CREBBP: variants seen among roughly 807,000 people sequenced by gnomAD.
CREBBP encodes the protein CREB binding lysine acetyltransferase.
Under a neutral mutation model 265.0 loss-of-function variants are expected in CREBBP, and 19 were observed. That is an observed-to-expected ratio of 0.07 (90% CI 0.05 to 0.11). CREBBP has a LOEUF of 0.11. CREBBP is among the 10% of genes least tolerant of loss of function. The pLI is 1.00. For synonymous variants in CREBBP, 1,457 were observed against 1,223.7 expected (o/e 1.19, Z -3.98); for missense variants, 2,525 against 3,219.0 (o/e 0.78, Z 5.22).
Position 3,780,714 on chromosome 16 carries a change from T to G in CREBBP, c.1823+18A>C, listed in dbSNP as rs2053254173. ...GAATAAAATCAAACATCTATGAAAC[T>G]GCAAAACTGTTACGTACAGTTTATG... On this transcript the variant is annotated intron_variant, in intron 8 of 30. Coordinates refer to ENST00000262367, the MANE Select transcript of CREBBP (RefSeq NM_004380.3). 3 of 1,613,446 alleles carry G rather than the reference T, an allele frequency of 1.9e-6. No homozygotes were observed. Among genetic ancestry groups the G allele is most frequent in the East Asian group, 4.5e-5 (2 of 44,880 alleles).
intron 11 of CREBBP, among the ~76,000 whole-genome samples, chr16:3,775,650 C>T (rs1596900121): frequency 6.6e-6 from 1 of 152,188 alleles, no homozygotes; most frequent in Non-Finnish European, 1.5e-5. Flanking sequence ...TAAGCTTCCC[C>T]ACTCCTTGAG....
intron 13 of CREBBP, 76 bp from the exon 14 acceptor site, chr16:3,771,062 T>C: frequency 6.4e-7 from 1 of 1,574,564 alleles, no homozygotes; most frequent in Non-Finnish European, 8.6e-7. Flanking sequence ...AAAAATTAAA[T>C]GTATGAAAAA....
intron 21 of CREBBP, among the ~76,000 whole-genome samples, chr16:3,747,585 A>AGGAAGG: frequency 6.6e-6 from 1 of 152,346 alleles, no homozygotes; most frequent in African/African-American, 2.4e-5. Context: ...TACAACCAGC[A>AGGAAGG]GGAAGGAGAC....
chr16:3,805,723 G>C (rs2053815830), intron 3 of CREBBP, among the ~76,000 whole-genome samples: 1 of 152,168 alleles, frequency 6.6e-6, no homozygotes, highest in Non-Finnish European at 1.5e-5. Context: ...TGGACATGAA[G>C]ACCAACAAAG....
At chr16:3,876,538 C>T (rs2055407363) in intron 1 of CREBBP, among the ~76,000 whole-genome samples, 1 of 150,938 alleles carries the variant, frequency 6.6e-6, no homozygotes, top group Non-Finnish European at 1.5e-5. Context: ...TTAACTTGGA[C>T]ATATTAAATA....
chr16:3,838,865 A>G (rs1438741753), intron 2 of CREBBP, among the ~76,000 whole-genome samples: 1 of 152,178 alleles, frequency 6.6e-6, no homozygotes, highest in African/African-American at 2.4e-5. Context: ...TTCACTACCA[A>G]AAAATGTTTT....
At position 3,771,817 on chromosome 16, in the gene CREBBP, T is replaced by A. The variant is rs1162008368; in HGVS notation, c.2464-831A>T. On this transcript the variant is annotated intron_variant, in intron 13 of 30. Coordinates refer to ENST00000262367, the MANE Select transcript of CREBBP (RefSeq NM_004380.3). ...CAATTTAAAACTTTTTTTTTTTTTT[T>A]TTAAAAAAAAAAAGACAGAGTCTCG... 9.9e-3 allele frequency among the ~76,000 whole-genome samples: 1,471 copies of A among 149,278 alleles called. 33 individuals are homozygous for A. Among genetic ancestry groups the A allele is most frequent in the African/African-American group, 0.035 (1,417 of 40,036 alleles).
chr16:3,877,154 C>G (rs1007770831), intron 1 of CREBBP, among the ~76,000 whole-genome samples: 2 of 152,126 alleles, frequency 1.3e-5, no homozygotes. Flanking sequence ...TCACATGCAC[C>G]GGGCACACAC....
intron 1 of CREBBP, among the ~76,000 whole-genome samples, chr16:3,865,991 T>A (rs1251585817): frequency 6.6e-6 from 1 of 152,174 alleles, no homozygotes; most frequent in African/African-American, 2.4e-5. Context: ...GCCCAGGTGA[T>A]TAACTTCAGC....
chr16:3,826,127 T>C (rs886759802), intron 2 of CREBBP, among the ~76,000 whole-genome samples: 2 of 152,008 alleles, frequency 1.3e-5, no homozygotes, highest in Non-Finnish European at 2.9e-5. Context: ...GTAGGAGGAC[T>C]GCTTGTGCCC....
At chr16:3,851,603 C>A (rs1041303077) in intron 1 of CREBBP, among the ~76,000 whole-genome samples, 3 of 152,038 alleles carry the variant, frequency 2.0e-5, no homozygotes, top group Non-Finnish European at 2.9e-5. Flanking sequence ...GCCTGTAATC[C>A]CAGCACTTTG....
intron 1 of CREBBP, among the ~76,000 whole-genome samples, chr16:3,869,633 C>T (rs1228718467): frequency 6.6e-6 from 1 of 152,106 alleles, no homozygotes; most frequent in East Asian, 1.9e-4. Flanking sequence ...TCCTAAGTCA[C>T]ACTAATCACA....
intron 5 of CREBBP, among the ~76,000 whole-genome samples, chr16:3,787,839 C>A (rs747295819): frequency 6.6e-6 from 1 of 152,004 alleles, no homozygotes; most frequent in African/African-American, 2.4e-5. Flanking sequence ...CCATGCCCAG[C>A]TAATTATTTG....
In CREBBP at chr16:3,767,766, G is replaced by A. The variant is rs150189749; in HGVS notation, c.3204C>T (p.Asn1068=). 78 of 1,614,086 alleles carry A rather than the reference G, an allele frequency of 4.8e-5. 1 individual carries two copies. Among genetic ancestry groups the A allele is most frequent in the Middle Eastern group, 1.6e-4 (1 of 6,084 alleles). ...EVKEEEESSS[N]GTASQSTSPS... is the part of the protein sequence containing the mutation. The stretch of plus-strand genomic sequence containing the variant: ...GAGATGTTGACTGAGAGGCTGTGCC[G>A]TTACTGCTACTCTCTTCTTCCTCTT... Residue 1068 remains asparagine (N), a synonymous_variant, in exon 16 of 31, where the codon AAC becomes AAT. Transcript: ENST00000262367.
intron 2 of CREBBP, among the ~76,000 whole-genome samples, chr16:3,848,721 A>G (rs889383783): frequency 1.3e-5 from 2 of 152,182 alleles, no homozygotes; most frequent in African/African-American, 4.8e-5. Context: ...TTTAAAAGTA[A>G]GGAGTAGAGT....
At position 3,879,692 on chromosome 16, in the gene CREBBP, G is replaced by A. The variant is rs1228866986; in HGVS notation, c.85+140C>T. ...GCGACGAACTTCCACCCTCCCGCGC[G>A]GGGCGAGGGGAACGGGCTGCGGGGC... On this transcript the variant is annotated intron_variant, in intron 1 of 30. Coordinates refer to ENST00000262367, the MANE Select transcript of CREBBP (RefSeq NM_004380.3). 8 of 920,664 alleles carry A rather than the reference G, an allele frequency of 8.7e-6. No individual in the cohort carries two copies. In the African/African-American group the frequency reaches 9.9e-5, roughly 11 times the overall value. The allele number at this position is 920,664 out of a possible 1,614,324, so 57.0% of individuals were successfully genotyped here.
chr16:3,771,194 G>A (rs1015901997), intron 13 of CREBBP, among the ~76,000 whole-genome samples: 17 of 151,828 alleles, frequency 1.1e-4, no homozygotes, highest in African/African-American at 2.7e-4. Flanking sequence ...TCAGCTTCTC[G>A]AGTAGCAGGG....
At chr16:3,825,271 GAAT>G (rs2054215819) in intron 2 of CREBBP, among the ~76,000 whole-genome samples, 1 of 152,148 alleles carries the variant, frequency 6.6e-6, no homozygotes, top group Non-Finnish European at 1.5e-5. Context: ...AACATGAAAT[GAAT>G]AATATGACTC....
chr16:3,782,149 G>A (rs948502239), intron 6 of CREBBP, among the ~76,000 whole-genome samples: 1 of 152,190 alleles, frequency 6.6e-6, no homozygotes, highest in Non-Finnish European at 1.5e-5. Flanking sequence ...GGCGATGTGT[G>A]AGCAAACGAT....
Sources: allele counts gnomAD v4.1 joint callset (sites outside exome capture counted in the v4.1 genomes callset), GRCh38; gene constraint gnomAD v4.1.1; transcripts MANE v1.5; gene names NCBI Gene and HGNC (gene_info 2026-07-23, HGNC 2026-07-21).